CDKAL1: variants seen among roughly 807,000 people sequenced by gnomAD.
CDKAL1 encodes CDKAL1 threonylcarbamoyladenosine tRNA methylthiotransferase.
Under a neutral mutation model 68.2 loss-of-function variants are expected in CDKAL1, and 32 were observed. The observed-to-expected ratio is 0.47, with a 90% CI of 0.35 to 0.63. CDKAL1 has a LOEUF of 0.63. CDKAL1 is among the 30% of genes least tolerant of loss of function. The pLI, the probability that CDKAL1 is intolerant of heterozygous loss-of-function variation, is 0.00. For missense variants in CDKAL1, 606 were observed against 696.7 expected (o/e 0.87, Z 1.47); for synonymous variants, 234 against 244.3 (o/e 0.96, Z 0.39).
At chr6:20,984,261 T>C (rs541766726) in intron 10 of CDKAL1, among the ~76,000 whole-genome samples, 51 of 152,152 alleles carry the variant, frequency 3.4e-4, no homozygotes, top group Non-Finnish European at 6.6e-4. Flanking sequence ...GCCACTTCAG[T>C]GTCAGCAGGG....
Position 20,902,250 on chromosome 6 carries a change from G to A in CDKAL1, c.743-53169G>A, listed in dbSNP as rs143079497. Among the ~76,000 whole-genome samples, 460 of 151,852 alleles carry A rather than the reference G, an allele frequency of 3.0e-3. 2 individuals carry two copies. Among genetic ancestry groups the A allele is most frequent in the African/African-American group, 8.5e-3 (351 of 41,400 alleles). ...TGCTGTGTGGAGAATAAATTGTAGG[G>A]GTTCAGAATGTAAGTGGAGGGACCA... On this transcript the variant is annotated intron_variant, in intron 9 of 15. Transcript: ENST00000274695.
At chr6:21,171,393 T>G (rs1377882687) in intron 13 of CDKAL1, among the ~76,000 whole-genome samples, 7 of 151,970 alleles carry the variant, frequency 4.6e-5, no homozygotes, top group Non-Finnish European at 1.5e-5. Flanking sequence ...TTGTATTTTT[T>G]TAGTAGAGAT....
In CDKAL1 at chr6:20,940,117, A is replaced by G. The variant is rs188312508; in HGVS notation, c.743-15302A>G. Among the ~76,000 whole-genome samples, 4 of 152,326 alleles carry G rather than the reference A, an allele frequency of 2.6e-5. No individual in the cohort carries two copies. In the East Asian group the frequency reaches 7.7e-4, roughly 29 times the overall value. ...AGATAACTTAAAGATAATACACAAA[A>G]TGATTGTTGTACAGTTGCATTTGTG... On this transcript the variant is annotated intron_variant, in intron 9 of 15. Coordinates refer to ENST00000274695, the MANE Select transcript of CDKAL1 (RefSeq NM_017774.3).
chr6:21,153,235 C>CTTTTTTTTT (rs1162272560), intron 13 of CDKAL1, among the ~76,000 whole-genome samples: 8 of 96,216 alleles, frequency 8.3e-5, no homozygotes, highest in East Asian at 3.7e-4. Context: ...TATGTGATTT[C>CTTTTTTTTT]TTTTTTTTTT....
rs114061646 is a variant in CDKAL1 at position 20,952,801 on chromosome 6, T to C, written c.743-2618T>C. 5.9e-3 allele frequency among the ~76,000 whole-genome samples: 895 copies of C among 152,370 alleles called. 14 individuals are homozygous for C. Among genetic ancestry groups the C allele is most frequent in the African/African-American group, 0.02 (847 of 41,584 alleles). On this transcript the variant is annotated intron_variant, in intron 9 of 15. Coordinates refer to ENST00000274695, the MANE Select transcript of CDKAL1 (RefSeq NM_017774.3). The stretch of plus-strand genomic sequence containing the variant: ...GTGGCCTGGCAGGAACTGCCTGTGC[T>C]ATGACTAATCAGGAGACTTTCCAGG...
chr6:21,220,816 C>T (rs1243423645), intron 15 of CDKAL1, among the ~76,000 whole-genome samples: 2 of 152,178 alleles, frequency 1.3e-5, no homozygotes, highest in Non-Finnish European at 2.9e-5. Context: ...GCAGCAGTTC[C>T]TGTTAGGGAT....
At chr6:20,968,898 A>G (rs960959455) in intron 10 of CDKAL1, among the ~76,000 whole-genome samples, 3 of 151,994 alleles carry the variant, frequency 2.0e-5, no homozygotes, top group Non-Finnish European at 4.4e-5. Flanking sequence ...GTAAAGTCTA[A>G]TATCTGGGCT....
chr6:20,780,801 G>T (rs561699823), intron 7 of CDKAL1, among the ~76,000 whole-genome samples: 1 of 151,714 alleles, frequency 6.6e-6, no homozygotes, highest in South Asian at 2.1e-4. Context: ...AGCCTCCTGA[G>T]TAGCTGGGAT....
intron 5 of CDKAL1, among the ~76,000 whole-genome samples, chr6:20,695,823 T>A (rs546413781): frequency 6.6e-6 from 1 of 152,326 alleles, no homozygotes; most frequent in South Asian, 2.1e-4. Flanking sequence ...AAGCGTATAG[T>A]TCAGTGTCAA....
chr6:20,898,891 A>G (rs866968016), intron 9 of CDKAL1, among the ~76,000 whole-genome samples: 7 of 152,106 alleles, frequency 4.6e-5, no homozygotes, highest in Non-Finnish European at 8.8e-5. Flanking sequence ...TTCCCTGTAC[A>G]GAATATTAGT....
intron 9 of CDKAL1, among the ~76,000 whole-genome samples, chr6:20,895,081 T>A (rs764257648): frequency 1.3e-5 from 2 of 152,350 alleles, no homozygotes; most frequent in East Asian, 1.9e-4. Context: ...TCTCTATGTG[T>A]ATGTTTTGTA....
chr6:20,601,266 A>T (rs539202111), intron 4 of CDKAL1, among the ~76,000 whole-genome samples: 36 of 152,300 alleles, frequency 2.4e-4, no homozygotes, highest in African/African-American at 8.7e-4. Flanking sequence ...TTATAGCTTC[A>T]TCCAATGTCA....
intron 4 of CDKAL1, among the ~76,000 whole-genome samples, chr6:20,599,842 G>A (rs774412895): frequency 2.0e-5 from 3 of 152,142 alleles, no homozygotes; most frequent in Non-Finnish European, 1.5e-5. Flanking sequence ...ATGTGTGACT[G>A]TATGATTGTC....
chr6:21,038,097 C>T (rs1426765838), intron 11 of CDKAL1, among the ~76,000 whole-genome samples: 4 of 152,104 alleles, frequency 2.6e-5, no homozygotes, highest in Non-Finnish European at 4.4e-5. Flanking sequence ...AAATAACAAG[C>T]AGTTATAATG....
intron 9 of CDKAL1, among the ~76,000 whole-genome samples, chr6:20,890,884 A>G (rs1761357758): frequency 2.0e-5 from 3 of 152,230 alleles, no homozygotes; most frequent in Admixed American, 6.5e-5. Context: ...GTAAGATAAT[A>G]CTATTGAATA....
Position 21,156,336 on chromosome 6 carries a change from AT to A in CDKAL1, c.1300-41684del, listed in dbSNP as rs1776639779. 4.0e-5 allele frequency among the ~76,000 whole-genome samples: 6 copies of A among 148,940 alleles called. No homozygotes were observed. The Admixed American group carries it at 4.1e-4, about 10-fold the overall frequency. On this transcript the variant is annotated intron_variant, in intron 13 of 15. Transcript: ENST00000274695. ...CTACTGGCAGGGCTGAGGTGGGAGG[AT>A]AGCTTGAGCCCAGGAGGCAGAAGTT...
intron 5 of CDKAL1, among the ~76,000 whole-genome samples, chr6:20,678,597 C>T (rs2127788753): frequency 6.6e-6 from 1 of 152,228 alleles, no homozygotes; most frequent in East Asian, 1.9e-4. Context: ...TTAACTCTTG[C>T]TCATATCAAT....
intron 9 of CDKAL1, among the ~76,000 whole-genome samples, chr6:20,860,933 A>ATTTTTTTTTTTTTTTT (rs70990075): frequency 7.4e-6 from 1 of 134,230 alleles, no homozygotes. Context: ...AGTGTGGTCT[A>ATTTTTTTTTTTTTTTT]TTTTTTTTTT....
In CDKAL1 at chr6:20,739,901, A is replaced by G. The variant is rs114156588; in HGVS notation, c.468+286A>G. ...ACCCGGTCTTTGGCTGTCTGTTACC[A>G]TCGCTTTCCAAGTCATTACAGTTTT... On this transcript the variant is annotated intron_variant, in intron 6 of 15. Transcript: ENST00000274695. Among the ~76,000 whole-genome samples the G allele has an allele frequency of 5.3e-3, 811 of 152,284 alleles. 2 individuals carry two copies. The highest frequency in any genetic ancestry group is 0.026 in the South Asian group (126 of 4,826).
Sources: gnomAD v4.1 joint callset for allele counts (sites outside exome capture counted in the v4.1 genomes callset) on GRCh38, gnomAD v4.1.1 for gene constraint, MANE v1.5 for transcripts, NCBI Gene and HGNC (gene_info 2026-07-23, HGNC 2026-07-21) for gene names.